Variants in CFAP47 observed in about 807,000 individuals in gnomAD.
CFAP47 encodes the protein cilia- and flagella-associated protein 47.
CFAP47 carries 29 observed loss-of-function variants against 148.1 expected under a neutral mutation model. That is an observed-to-expected ratio of 0.20 (90% CI 0.15 to 0.27). The LOEUF (loss-of-function observed/expected upper bound fraction) is 0.27. Ranked by LOEUF, CFAP47 falls within the 10% of genes least tolerant of loss-of-function variation. The probability of loss-of-function intolerance (pLI) is 1.00; values close to 1 mark genes in which losing one functional copy is unlikely to be tolerated. For synonymous variants in CFAP47, 664 were observed against 577.3 expected (o/e 1.15, Z -2.15); for missense variants, 1,872 against 1,697.5 (o/e 1.10, Z -1.81).
intron 50 of CFAP47, among the ~76,000 whole-genome samples, chrX:36,285,225 A>G (rs1295694513): frequency 9.0e-6 from 1 of 111,717 alleles, no homozygotes; most frequent in Non-Finnish European, 1.9e-5. Flanking sequence ...CTGGAAATGT[A>G]GCATTGTAAA....
chrX:36,003,716 G>T (rs1936943605), intron 21 of CFAP47, among the ~76,000 whole-genome samples: 2 of 110,087 alleles, frequency 1.8e-5, no homozygotes, highest in South Asian at 7.7e-4. Context: ...AACCAGCAAA[G>T]ACAAGGATGC....
In CFAP47 at chrX:36,034,179, T is replaced by G. The variant is rs139137073; in HGVS notation, c.3652-1516T>G. 5.4e-3 allele frequency among the ~76,000 whole-genome samples: 600 copies of G among 111,778 alleles called. 6 individuals are homozygous for G. The highest frequency in any genetic ancestry group is 0.019 in the African/African-American group (575 of 30,870). On this transcript the variant is annotated intron_variant, in intron 23 of 63. Transcript: ENST00000378653. ...TTTTTATTATCTTCACGATTTTAAA[T>G]AGTATTTGTCCAGCATTTTTTGAAA...
chrX:36,278,041 G>A (rs925939745), intron 49 of CFAP47, among the ~76,000 whole-genome samples: 3 of 112,273 alleles, frequency 2.7e-5, no homozygotes, highest in Admixed American at 9.4e-5. Flanking sequence ...GCTACACGGG[G>A]GTCAGGGAAC....
chrX:36,333,410 G>A (rs912497724), intron 57 of CFAP47, among the ~76,000 whole-genome samples: 27 of 110,798 alleles, frequency 2.4e-4, no homozygotes, highest in African/African-American at 7.5e-4. Context: ...GCCTTTCTAA[G>A]TTGTGGCTTT....
At chrX:35,952,679 G>C (rs1481507162) in intron 6 of CFAP47, among the ~76,000 whole-genome samples, 1 of 111,804 alleles carries the variant, frequency 8.9e-6, no homozygotes, top group African/African-American at 3.2e-5. Context: ...TTAATTTAAA[G>C]AGGTTAATAA....
intron 2 of CFAP47, among the ~76,000 whole-genome samples, chrX:35,938,329 T>C (rs908153625): frequency 9.9e-5 from 11 of 111,221 alleles, no homozygotes; most frequent in African/African-American, 3.3e-4. Flanking sequence ...AGTTTATGTC[T>C]ATATAGGTAT....
chrX:36,143,221 AG>A (rs1939174532), intron 35 of CFAP47, among the ~76,000 whole-genome samples: 1 of 112,026 alleles, frequency 8.9e-6, no homozygotes, highest in Admixed American at 9.5e-5. Flanking sequence ...TCTTTTGCCC[AG>A]GCACCTTCGT....
intron 51 of CFAP47, among the ~76,000 whole-genome samples, chrX:36,297,108 T>C (rs1448263282): frequency 8.9e-6 from 1 of 111,836 alleles, no homozygotes; most frequent in African/African-American, 3.3e-5. Context: ...TAATAAGTGA[T>C]ATCTGCTCTA....
intron 8 of CFAP47, among the ~76,000 whole-genome samples, chrX:35,960,277 G>A (rs1381982863): frequency 9.7e-6 from 1 of 103,119 alleles, no homozygotes; most frequent in East Asian, 3.1e-4. Context: ...TTTGAATTTG[G>A]GAAATATGAG....
Position 36,065,682 on chromosome X carries a change from T to C in CFAP47, c.4257T>C (p.Ile1419=). ...TTACTGCAACAGCAGAAAACTGCAT[T>C]CTTACTATTTACCCATATATGGCAA... is the stretch of plus-strand genomic sequence containing the variant. ...LPVTATAENC[I]LTIYPYMAIH... The change falls in exon 27 of 64, where the codon ATT becomes ATC. Residue 1419 remains isoleucine (I), a synonymous_variant. Transcript: ENST00000378653. 1 of 1,199,666 alleles carries C rather than the reference T, an allele frequency of 8.3e-7. No individual in the cohort carries two copies. The highest frequency in any genetic ancestry group is 1.1e-6 in the Non-Finnish European group (1 of 886,535).
chrX:36,233,060 G>T (rs1367638598), intron 46 of CFAP47, among the ~76,000 whole-genome samples: 1 of 111,967 alleles, frequency 8.9e-6, no homozygotes, highest in Middle Eastern at 4.6e-3. Flanking sequence ...TGGAATAGGT[G>T]TTGTGTGGTG....
At chrX:36,295,660 A>G (rs1941235529) in intron 51 of CFAP47, among the ~76,000 whole-genome samples, 1 of 111,916 alleles carries the variant, frequency 8.9e-6, no homozygotes, top group African/African-American at 3.2e-5. Flanking sequence ...TTAAAAATGT[A>G]ATTTTACAAC....
At chrX:35,921,603 C>G (rs1410823602) in intron 1 of CFAP47, among the ~76,000 whole-genome samples, 6 of 111,449 alleles carry the variant, frequency 5.4e-5, no homozygotes, top group African/African-American at 2.0e-4. Flanking sequence ...CAGTTTATAT[C>G]TAGGATATAA....
At chrX:36,209,067 C>A (rs1940072036) in intron 45 of CFAP47, among the ~76,000 whole-genome samples, 1 of 112,251 alleles carries the variant, frequency 8.9e-6, no homozygotes, top group Non-Finnish European at 1.9e-5. Flanking sequence ...ACCACAAATA[C>A]ATTTCAAACA....
At chrX:36,084,419 G>A (rs1252781619) in intron 29 of CFAP47, among the ~76,000 whole-genome samples, 2 of 111,545 alleles carry the variant, frequency 1.8e-5, no homozygotes, top group African/African-American at 6.5e-5. Flanking sequence ...CTTTTATAAT[G>A]TCATGCAATA....
chrX:36,087,116 T>C (rs1938102012), intron 30 of CFAP47, among the ~76,000 whole-genome samples: 1 of 112,069 alleles, frequency 8.9e-6, no homozygotes. Context: ...CCCTGTCTCG[T>C]GTAAGCCCAA....
At chrX:36,325,314 G>A (rs187232162) in intron 57 of CFAP47, among the ~76,000 whole-genome samples, 680 of 111,524 alleles carry the variant, frequency 6.1e-3, no homozygotes, top group African/African-American at 0.021. Context: ...TTAGAGATGA[G>A]TATGCTGAGA....
At chrX:36,339,061 C>T (rs1242538129) in intron 57 of CFAP47, among the ~76,000 whole-genome samples, 6 of 111,997 alleles carry the variant, frequency 5.4e-5, no homozygotes, top group African/African-American at 1.9e-4. Context: ...ATCCTCAGTG[C>T]TTATTATAAT....
At chrX:36,240,778 C>G (rs1940534046) in intron 48 of CFAP47, among the ~76,000 whole-genome samples, 1 of 111,284 alleles carries the variant, frequency 9.0e-6, no homozygotes, top group Non-Finnish European at 1.9e-5. Context: ...AAAGCTCAAC[C>G]AACTTAAAAA....
Sources: gnomAD v4.1 joint callset for allele counts (sites outside exome capture counted in the v4.1 genomes callset) on GRCh38, gnomAD v4.1.1 for gene constraint, MANE v1.5 for transcripts, NCBI Gene and HGNC (gene_info 2026-07-23, HGNC 2026-07-21) for gene names.